The following C2orf49 variants were observed in gnomAD, a reference collection of about 807,000 sequenced individuals.
The protein encoded by C2orf49 is tRNA splicing ligase complex subunit 2.
A neutral mutation model predicts 20.6 loss-of-function variants in C2orf49; 11 were observed. The observed-to-expected ratio is 0.53, with a 90% CI of 0.34 to 0.88. C2orf49 has a LOEUF of 0.88. C2orf49 is among the 40% of genes least tolerant of loss of function. The pLI, the probability that C2orf49 is intolerant of heterozygous loss-of-function variation, is 0.02. For missense variants in C2orf49, 289 were observed against 274.2 expected (o/e 1.05, Z -0.38); for synonymous variants, 134 against 108.5 (o/e 1.24, Z -1.46).
chr2:105,367,448 C>T, the C2orf49 span: 3 of 989,348 alleles, frequency 3.0e-6, no homozygotes, highest in Admixed American at 4.7e-5. Flanking sequence ...GCAGGACAGG[C>T]ACAGCTCCCA....
chr2:105,356,509 A>G, the C2orf49 span, among the ~76,000 whole-genome samples: 44 of 152,290 alleles, frequency 2.9e-4, no homozygotes, highest in South Asian at 5.4e-3. Context: ...CAGAAGTTCA[A>G]GGTTACAGTG....
chr2:105,363,456 C>G, the C2orf49 span: 2 of 1,609,504 alleles, frequency 1.2e-6, no homozygotes, highest in East Asian at 2.2e-5. Flanking sequence ...TAAGTGACCC[C>G]TCCCGTGGTG....
intron 3 of C2orf49, among the ~76,000 whole-genome samples, chr2:105,344,145 A>G (rs1032599814): frequency 3.9e-5 from 6 of 152,174 alleles, no homozygotes; most frequent in Non-Finnish European, 8.8e-5. Flanking sequence ...GGAAACAGAA[A>G]CTTAGTAAAT....
At chr2:105,373,378 A>G in the C2orf49 span, among the ~76,000 whole-genome samples, 2 of 152,234 alleles carry the variant, frequency 1.3e-5, no homozygotes, top group Non-Finnish European at 2.9e-5. Context: ...GTTACTGCCC[A>G]TGATAGAACC....
the C2orf49 span, among the ~76,000 whole-genome samples, chr2:105,380,658 G>T: frequency 6.6e-6 from 1 of 152,182 alleles, no homozygotes; most frequent in African/African-American, 2.4e-5. Context: ...GTGTAACAGA[G>T]ATAGCACTTC....
At chr2:105,375,351 G>T in the C2orf49 span, 1 of 152,248 alleles carries the variant, frequency 6.6e-6, no homozygotes, top group Non-Finnish European at 1.5e-5. Context: ...TGCTATCCCT[G>T]TTGGAAGTTT....
downstream of C2orf49, among the ~76,000 whole-genome samples, chr2:105,352,869 T>G (rs1030887303): frequency 6.6e-6 from 1 of 152,220 alleles, no homozygotes; most frequent in African/African-American, 2.4e-5. Context: ...GTTATATTTT[T>G]TTAATTCCTT....
At chr2:105,341,047 G>T (rs1679651729) in intron 2 of C2orf49, among the ~76,000 whole-genome samples, 1 of 152,216 alleles carries the variant, frequency 6.6e-6, no homozygotes, top group Admixed American at 6.5e-5. Flanking sequence ...TCTGACCTTT[G>T]ATCAAGAATG....
chr2:105,381,395 A>C, the C2orf49 span, among the ~76,000 whole-genome samples: 2 of 152,134 alleles, frequency 1.3e-5, no homozygotes, highest in Non-Finnish European at 2.9e-5. Flanking sequence ...TAGGAACCCC[A>C]GTGTATAGAC....
rs192397585 is a variant in C2orf49, at chr2:105,347,283, G to T, written c.*1912G>T. Reference sequence around the variant, plus strand: ...CCTATACATACATATATGCAAAAGGGGATTTTAAAAGTGCAGATTATAGAG... The same window carrying T: ...CCTATACATACATATATGCAAAAGGTGATTTTAAAAGTGCAGATTATAGAG... On this transcript the variant is annotated 3_prime_UTR_variant, in exon 4 of 4. Coordinates refer to ENST00000258457, the MANE Select transcript of C2orf49 (RefSeq NM_024093.3). 6.6e-6 allele frequency: 1 copy of T among 152,084 alleles called. No individual in the cohort carries two copies. The allele number at this position is 152,084 out of a possible 1,614,324, so 9.4% of individuals were successfully genotyped here. A position where few individuals can be genotyped will look rare whatever the true frequency, so the allele number is the denominator to read the frequency against.
At chr2:105,365,431 G>C in the C2orf49 span, among the ~76,000 whole-genome samples, 1 of 152,190 alleles carries the variant, frequency 6.6e-6, no homozygotes, top group Non-Finnish European at 1.5e-5. Flanking sequence ...AGAAGGATGT[G>C]TTGCTTTCAT....
At chr2:105,382,695 T>G in the C2orf49 span, among the ~76,000 whole-genome samples, 7 of 149,132 alleles carry the variant, frequency 4.7e-5, no homozygotes, top group African/African-American at 1.8e-4. Context: ...TGTTTATTAT[T>G]TTTTTTTTCT....
In C2orf49 at chr2:105,348,185, T is replaced by A. The variant is rs1004518705; in HGVS notation, c.*2814T>A. ...TAGGCTGACCCCCTGTCCTCTTACA[T>A]TTGAGGGATCATAGACTGCTGTGTG... is the stretch of plus-strand genomic sequence containing the variant. On this transcript the variant is annotated 3_prime_UTR_variant, in exon 4 of 4. Coordinates refer to ENST00000258457, the MANE Select transcript of C2orf49 (RefSeq NM_024093.3). 8.5e-5 allele frequency: 13 copies of A among 152,118 alleles called. No individual in the cohort carries two copies. The highest frequency in any genetic ancestry group is 1.3e-4 in the Non-Finnish European group (9 of 68,032). The allele number at this position is 152,118 out of a possible 1,614,324, so 9.4% of individuals were successfully genotyped here.
At chr2:105,369,091 C>T in the C2orf49 span, among the ~76,000 whole-genome samples, 3 of 152,172 alleles carry the variant, frequency 2.0e-5, no homozygotes, top group Admixed American at 1.3e-4. Context: ...GTCCACAAAG[C>T]CCCAAATATT....
intron 2 of C2orf49, 114 bp downstream of exon 2, chr2:105,339,863 T>C (rs1679619737): frequency 4.4e-6 from 4 of 904,160 alleles, no homozygotes; most frequent in Non-Finnish European, 6.4e-6. Context: ...TCAATGACTA[T>C]CTATTGAGCA....
the C2orf49 span, chr2:105,376,296 C>A: frequency 1.3e-5 from 2 of 152,132 alleles, no homozygotes; most frequent in Non-Finnish European, 2.9e-5. Context: ...AAATCCTGGT[C>A]GGGTCTGTGT....
chr2:105,357,490 T>C, the C2orf49 span, among the ~76,000 whole-genome samples: 1 of 152,234 alleles, frequency 6.6e-6, no homozygotes, highest in African/African-American at 2.4e-5. Flanking sequence ...CAGGACCCCC[T>C]ACAAATACCA....
the C2orf49 span, among the ~76,000 whole-genome samples, chr2:105,384,635 G>A: frequency 6.6e-6 from 1 of 152,188 alleles, no homozygotes; most frequent in Non-Finnish European, 1.5e-5. Flanking sequence ...AGCCTCTCAA[G>A]TAGCTGGGAT....
At chr2:105,366,491 G>A in the C2orf49 span, among the ~76,000 whole-genome samples, 1 of 152,210 alleles carries the variant, frequency 6.6e-6, no homozygotes, top group Admixed American at 6.5e-5. Context: ...AGTGAGCAGT[G>A]GGAGGGTGCC....
Sources: gnomAD v4.1 joint callset for allele counts (sites outside exome capture counted in the v4.1 genomes callset) on GRCh38, gnomAD v4.1.1 for gene constraint, MANE v1.5 for transcripts, NCBI Gene and HGNC (gene_info 2026-07-23, HGNC 2026-07-21) for gene names.